SYNE2: variants seen among roughly 807,000 people sequenced by gnomAD.
SYNE2 encodes spectrin repeat containing nuclear envelope protein 2.
A neutral mutation model predicts 856.3 loss-of-function variants in SYNE2; 431 were observed. The observed-to-expected ratio is 0.50, with a 90% CI of 0.47 to 0.55. The LOEUF (loss-of-function observed/expected upper bound fraction) is 0.55, where lower values mean the gene tolerates loss of function less well. SYNE2 is among the 20% of genes least tolerant of loss of function. SYNE2 has a pLI of 0.00. For synonymous variants in SYNE2, 2,923 were observed against 2,872.3 expected (o/e 1.02, Z -0.56); for missense variants, 8,129 against 8,023.2 (o/e 1.01, Z -0.50).
intron 99 of SYNE2, among the ~76,000 whole-genome samples, chr14:64,191,495 T>C (rs1169948264): frequency 1.3e-5 from 2 of 152,074 alleles, no homozygotes; most frequent in South Asian, 2.1e-4. Flanking sequence ...GACACATACA[T>C]TGAGAGCAAA....
At chr14:63,871,709 G>T (rs558345130) in intron 1 of SYNE2, among the ~76,000 whole-genome samples, 12 of 151,052 alleles carry the variant, frequency 7.9e-5, no homozygotes, top group African/African-American at 2.9e-4. Flanking sequence ...GCCCAGGCTG[G>T]TCTCAAACTC....
chr14:64,025,549 A>G, intron 41 of SYNE2, 128 bp downstream of exon 41: 1 of 916,782 alleles, frequency 1.1e-6, no homozygotes, highest in South Asian at 1.6e-5. Flanking sequence ...GAAGAAATTC[A>G]GATCACTGAG....
intron 30 of SYNE2, among the ~76,000 whole-genome samples, 186 bp from the exon 31 acceptor site, chr14:64,006,855 CAA>C (rs896397203): frequency 2.6e-5 from 4 of 152,048 alleles, no homozygotes; most frequent in African/African-American, 9.6e-5. Flanking sequence ...CAAAACAAAA[CAA>C]AACAAAAATC....
At position 64,049,867 on chromosome 14, in the gene SYNE2, G is replaced by A. The variant is rs774466093; in HGVS notation, c.7634G>A (p.Ser2545Asn). ...SMKALLTDKE[S>N]LKVGPLDSVT... Reference sequence around the variant, plus strand: ...AAAGCCTTGTTGACAGACAAGGAAAGTCTTAAAGTGTAAGTGTAAGAATTT... The same window carrying A: ...AAAGCCTTGTTGACAGACAAGGAAAATCTTAAAGTGTAAGTGTAAGAATTT... Residue 2545 changes from serine to asparagine, a missense_variant, in exon 47 of 116, where the codon AGT becomes AAT. This residue lies in a region of SYNE2 where 5,410 missense variants were observed against 5,284.8 expected (regional missense o/e 1.02). Transcript: ENST00000555002. 32 of 1,614,026 alleles carry A rather than the reference G, an allele frequency of 2.0e-5. No homozygotes were observed. Among genetic ancestry groups the A allele is most frequent in the Non-Finnish European group, 2.6e-5 (31 of 1,179,948 alleles).
intron 1 of SYNE2, among the ~76,000 whole-genome samples, chr14:63,876,648 C>T (rs942970016): frequency 2.6e-5 from 4 of 151,912 alleles, no homozygotes; most frequent in Admixed American, 6.6e-5. Flanking sequence ...CCACCACGCC[C>T]GGCTAATTTT....
chr14:63,787,530 T>C (rs1448281299), intron 1 of SYNE2, among the ~76,000 whole-genome samples: 1 of 152,144 alleles, frequency 6.6e-6, no homozygotes, highest in Admixed American at 6.6e-5. Flanking sequence ...TGCAGACAAG[T>C]GGACGATGAG....
chr14:63,964,962 CTTT>C (rs750645462), intron 10 of SYNE2, among the ~76,000 whole-genome samples: 6 of 130,982 alleles, frequency 4.6e-5, no homozygotes, highest in Admixed American at 7.8e-5. Flanking sequence ...TTGAACATTT[CTTT>C]TTTTTTTTTT....
intron 1 of SYNE2, among the ~76,000 whole-genome samples, chr14:63,872,767 A>AAAAG (rs1897169140): frequency 6.6e-6 from 1 of 151,476 alleles, no homozygotes; most frequent in African/African-American, 2.4e-5. Flanking sequence ...GCCTCAAAAA[A>AAAAG]AAAAAAAAAA....
Position 64,129,773 on chromosome 14 carries a change from C to G in SYNE2, c.14020-9C>G, listed in dbSNP as rs2097994253. On this transcript the variant is annotated splice_polypyrimidine_tract_variant and intron_variant, in intron 74 of 115. Coordinates refer to ENST00000555002, the MANE Select transcript of SYNE2 (RefSeq NM_182914.3). ...AGGGTTTTCTTTTCTTGTATTGTCTCTCACTTAGAAAGCAGATGCATATAC... is the reference window on the plus strand; with the variant it reads ...AGGGTTTTCTTTTCTTGTATTGTCTGTCACTTAGAAAGCAGATGCATATAC... 3.1e-6 allele frequency: 5 copies of G among 1,614,062 alleles called. No individual in the cohort carries two copies. Among genetic ancestry groups the G allele is most frequent in the Non-Finnish European group, 4.2e-6 (5 of 1,180,008 alleles).
chr14:63,813,855 C>T (rs1888715437), intron 1 of SYNE2, among the ~76,000 whole-genome samples: 1 of 152,166 alleles, frequency 6.6e-6, no homozygotes, highest in African/African-American at 2.4e-5. Context: ...AGTTTGAGAC[C>T]AGCCTGGCCA....
intron 1 of SYNE2, among the ~76,000 whole-genome samples, chr14:63,810,104 A>T (rs1163905846): frequency 6.6e-6 from 1 of 152,094 alleles, no homozygotes; most frequent in Non-Finnish European, 1.5e-5. Context: ...ACATGCCTTT[A>T]GTTCTAGCTA....
rs570580791 is a variant in SYNE2, at chr14:64,145,734, A to G, written c.15484-334A>G. Among the ~76,000 whole-genome samples, 4 of 152,266 alleles carry G rather than the reference A, an allele frequency of 2.6e-5. No individual in the cohort carries two copies. In the South Asian group the frequency reaches 8.3e-4, roughly 32 times the overall value. On this transcript the variant is annotated intron_variant, in intron 83 of 115. Coordinates refer to ENST00000555002, the MANE Select transcript of SYNE2 (RefSeq NM_182914.3). ...TAATGCAGAAAGTCTGAGGAAAGAAATTTTTCTTATACTTTACATATATTA... is the reference window on the plus strand; with the variant it reads ...TAATGCAGAAAGTCTGAGGAAAGAAGTTTTTCTTATACTTTACATATATTA...
intron 20 of SYNE2, 38 bp from the exon 21 acceptor site, chr14:63,990,904 G>T (rs772433488): frequency 6.4e-7 from 1 of 1,554,296 alleles, no homozygotes; most frequent in South Asian, 1.1e-5. Flanking sequence ...ATTAAGAATT[G>T]GTCCCCGTGT....
intron 66 of SYNE2, among the ~76,000 whole-genome samples, chr14:64,118,172 G>A (rs2097865881): frequency 6.6e-6 from 1 of 152,022 alleles, no homozygotes; most frequent in African/African-American, 2.4e-5. Context: ...CTTGTTCTTA[G>A]TCACGCACCG....
intron 78 of SYNE2, among the ~76,000 whole-genome samples, chr14:64,136,702 T>G (rs189248338): frequency 6.6e-5 from 10 of 152,344 alleles, no homozygotes; most frequent in Non-Finnish European, 1.3e-4. Context: ...TTTTCTAAAG[T>G]TTTCTTCCTT....
At position 64,159,338 on chromosome 14, in the gene SYNE2, T is replaced by C; in HGVS notation, c.15990T>C (p.Ser5330=). The C allele has an allele frequency of 6.2e-7, 1 of 1,613,976 alleles. No individual in the cohort carries two copies. Among genetic ancestry groups the C allele is most frequent in the Non-Finnish European group, 8.5e-7 (1 of 1,179,898 alleles). Residue 5330 remains serine (S), a synonymous_variant, in exon 87 of 116, where the codon AGT becomes AGC. Transcript: ENST00000555002. Reference sequence around the variant, plus strand: ...CTCTGCAAGATGAAGCTGAGAGCAGTGAAGGGAGTTGGGAGAAACTCCAGG... The same window carrying C: ...CTCTGCAAGATGAAGCTGAGAGCAGCGAAGGGAGTTGGGAGAAACTCCAGG... ...LQSLQDEAES[S]EGSWEKLQEV... is the part of the protein sequence containing the mutation.
chr14:63,790,426 C>T (rs1014451089), intron 1 of SYNE2, among the ~76,000 whole-genome samples: 3 of 152,118 alleles, frequency 2.0e-5, no homozygotes, highest in African/African-American at 7.2e-5. Context: ...TTTTGTATAT[C>T]TGAGTTTGTT....
intron 1 of SYNE2, among the ~76,000 whole-genome samples, chr14:63,882,340 A>G (rs989358755): frequency 6.6e-5 from 10 of 152,292 alleles, no homozygotes; most frequent in Middle Eastern, 3.4e-3. Context: ...AACTTAAAAC[A>G]TATTCCATAT....
At chr14:63,970,139 A>C (rs2096454742) in intron 11 of SYNE2, among the ~76,000 whole-genome samples, 1 of 151,818 alleles carries the variant, frequency 6.6e-6, no homozygotes, top group Admixed American at 6.6e-5. Flanking sequence ...TTCAAAGTGT[A>C]TCTCTATAAA....
Sources: allele counts gnomAD v4.1 joint callset (sites outside exome capture counted in the v4.1 genomes callset), GRCh38; gene constraint gnomAD v4.1.1; regional missense constraint gnomAD v4.1.1; transcripts MANE v1.5; gene names NCBI Gene and HGNC (gene_info 2026-07-23, HGNC 2026-07-21).